The following ATP2C2 variants were observed in gnomAD, a reference collection of about 807,000 sequenced individuals.
The protein encoded by ATP2C2 is calcium-transporting ATPase type 2C member 2.
ATP2C2 carries 171 observed loss-of-function variants against 110.8 expected under a neutral mutation model. That is an observed-to-expected ratio of 1.54 (90% confidence interval 1.36 to 1.75). The LOEUF (loss-of-function observed/expected upper bound fraction) is 1.75, where lower values mean the gene tolerates loss of function less well. Among genes scored for constraint, ATP2C2 ranks in the 40% most tolerant of loss-of-function variants. The pLI, the probability that ATP2C2 is intolerant of heterozygous loss-of-function variation, is 0.00. For missense variants in ATP2C2, 1,963 were observed against 1,235.0 expected (o/e 1.59, Z -8.84); for synonymous variants, 804 against 508.4 (o/e 1.58, Z -7.82).
intron 6 of ATP2C2, among the ~76,000 whole-genome samples, chr16:84,413,434 G>C (rs751346932): frequency 1.1e-4 from 17 of 152,192 alleles, no homozygotes; most frequent in Non-Finnish European, 2.1e-4. Context: ...ACATCACAGA[G>C]GGTGAGTCAA....
chr16:84,440,983 GA>G (rs767113800), intron 14 of ATP2C2, 25 bp downstream of exon 14: 2 of 1,561,894 alleles, frequency 1.3e-6, no homozygotes, highest in African/African-American at 1.4e-5. Context: ...CGCCATGAGG[GA>G]AATAGGCATT....
intron 1 of ATP2C2, among the ~76,000 whole-genome samples, chr16:84,388,932 C>A (rs571454209): frequency 7.2e-5 from 11 of 151,934 alleles, no homozygotes; most frequent in Non-Finnish European, 1.6e-4. Flanking sequence ...CCACCATGCT[C>A]GGCTAATTTT....
intron 6 of ATP2C2, among the ~76,000 whole-genome samples, chr16:84,411,198 T>C (rs1029234078): frequency 5.3e-4 from 80 of 152,126 alleles, no homozygotes; most frequent in African/African-American, 1.8e-3. Context: ...GGCTGCAGCA[T>C]AGGGTATAGG....
intron 11 of ATP2C2, among the ~76,000 whole-genome samples, chr16:84,431,356 A>T (rs369633978): frequency 1.3e-5 from 2 of 152,050 alleles, no homozygotes; most frequent in African/African-American, 4.8e-5. Flanking sequence ...TTAGCCGGGC[A>T]TGGTGGTGTG....
intron 21 of ATP2C2, among the ~76,000 whole-genome samples, chr16:84,456,468 C>T (rs967094119): frequency 1.4e-5 from 2 of 142,452 alleles, no homozygotes; most frequent in African/African-American, 2.6e-5. Context: ...TCCTATTCAA[C>T]ATAGTGTTGG....
intron 11 of ATP2C2, among the ~76,000 whole-genome samples, chr16:84,433,427 T>G (rs2150558865): frequency 6.6e-6 from 1 of 151,266 alleles, no homozygotes; most frequent in South Asian, 2.1e-4. Flanking sequence ...AAAAATCTCC[T>G]GCAGATCATG....
At chr16:84,387,768 C>T (rs948958541) in intron 1 of ATP2C2, among the ~76,000 whole-genome samples, 1 of 152,060 alleles carries the variant, frequency 6.6e-6, no homozygotes, top group Non-Finnish European at 1.5e-5. Context: ...TCTCAGACAG[C>T]TCTGGGTACA....
chr16:84,410,893 G>T, intron 6 of ATP2C2, 128 bp downstream of exon 6: 1 of 923,788 alleles, frequency 1.1e-6, no homozygotes, highest in Non-Finnish European at 1.7e-6. Context: ...CTCACTGGGA[G>T]TTCTAAGGCC....
At position 84,425,821 on chromosome 16, in the gene ATP2C2, C is replaced by T. The variant is rs186301171; in HGVS notation, c.986+20C>T. The T allele has an allele frequency of 6.2e-7, 1 of 1,613,464 alleles. No homozygotes were observed. Among genetic ancestry groups the T allele is most frequent in the East Asian group, 2.2e-5 (1 of 44,876 alleles). The stretch of plus-strand genomic sequence containing the variant: ...GGTCAGGTAAGAGTGCTATGGCCGC[C>T]CCTTGCCTTGCCAGGGTGGTCAATG... On this transcript the variant is annotated intron_variant, in intron 11 of 26. Transcript: ENST00000262429.
At chr16:84,427,126 C>T (rs545260676) in intron 11 of ATP2C2, among the ~76,000 whole-genome samples, 1 of 152,298 alleles carries the variant, frequency 6.6e-6, no homozygotes, top group African/African-American at 2.4e-5. Context: ...CAGACAGTAA[C>T]GCACACGCAG....
At position 84,368,619 on chromosome 16, in the gene ATP2C2, G is replaced by A; in HGVS notation, c.4G>A (p.Val2Ile). M[V>I]EGRVSEFLKK... ...GCAACGCCTGCGCCCGCTCACCATG[G>A]TCGAGGGACGCGTCTCCGAGTTCCT... Residue 2 changes from valine (V) to isoleucine (I), a missense_variant, in exon 1 of 27, where the codon GTC becomes ATC. Val to Ile is a conservative substitution (Grantham distance 29). Coordinates refer to ENST00000262429, the MANE Select transcript of ATP2C2 (RefSeq NM_014861.4). The A allele has an allele frequency of 1.9e-6, 3 of 1,557,788 alleles. No individual in the cohort carries two copies. Among genetic ancestry groups the A allele is most frequent in the Non-Finnish European group, 2.6e-6 (3 of 1,152,048 alleles).
intron 16 of ATP2C2, 73 bp downstream of exon 16, chr16:84,446,503 G>C (rs1909765654): frequency 9.3e-7 from 1 of 1,075,284 alleles, no homozygotes; most frequent in East Asian, 2.6e-5. Context: ...GCAAAATGCA[G>C]ACTTCAAGGA....
At chr16:84,439,547 A>T (rs748578011) in intron 13 of ATP2C2, 23 bp downstream of exon 13, 1 of 1,607,000 alleles carries the variant, frequency 6.2e-7, no homozygotes, top group South Asian at 1.1e-5. Context: ...GGAATTTACA[A>T]GCCTTAAGGA....
chr16:84,405,873 T>C (rs546975113), intron 3 of ATP2C2, among the ~76,000 whole-genome samples: 1 of 152,292 alleles, frequency 6.6e-6, no homozygotes, highest in East Asian at 1.9e-4. Flanking sequence ...TGAACTGAGA[T>C]TGTGCCACTG....
At chr16:84,412,356 G>A (rs113844815) in intron 6 of ATP2C2, among the ~76,000 whole-genome samples, 37 of 149,168 alleles carry the variant, frequency 2.5e-4, no homozygotes, top group East Asian at 2.0e-3. Context: ...GTCTGCGTGC[G>A]TGTGTGCATG....
chr16:84,463,639 C>T lies in ATP2C2; in HGVS notation c.2748C>T (p.Ala916=). Residue 916 remains alanine (A), a synonymous_variant, in exon 27 of 27, where the codon GCC becomes GCT. Transcript: ENST00000262429. ...ATTTGCTGTTTTTAACTGGATTGGC[C>T]TCATCCGTCTTCATTTTGTCAGAGC... ...ALDLLFLTGL[A]SSVFILSELL... is the part of the protein sequence containing the mutation. 6.2e-7 allele frequency: 1 copy of T among 1,614,200 alleles called. No individual in the cohort carries two copies. The highest frequency in any genetic ancestry group is 1.3e-5 in the African/African-American group (1 of 75,056).
intron 7 of ATP2C2, among the ~76,000 whole-genome samples, chr16:84,416,454 A>T (rs189358453): frequency 9.2e-5 from 14 of 152,338 alleles, no homozygotes; most frequent in African/African-American, 3.4e-4. Context: ...CAGGAACTGT[A>T]GGATCAAGGA....
At chr16:84,400,822 T>C (rs1905272761) in intron 2 of ATP2C2, among the ~76,000 whole-genome samples, 1 of 152,236 alleles carries the variant, frequency 6.6e-6, no homozygotes, top group Admixed American at 6.5e-5. Flanking sequence ...TGATCACAGA[T>C]GGTGAGCACC....
chr16:84,421,723 C>T (rs1907356449), intron 7 of ATP2C2, among the ~76,000 whole-genome samples: 1 of 152,114 alleles, frequency 6.6e-6, no homozygotes, highest in African/African-American at 2.4e-5. Flanking sequence ...CTCTGTTTTG[C>T]CACTAACTAG....
Sources: allele counts gnomAD v4.1 joint callset (sites outside exome capture counted in the v4.1 genomes callset), GRCh38; gene constraint gnomAD v4.1.1; transcripts MANE v1.5; gene names NCBI Gene and HGNC (gene_info 2026-07-23, HGNC 2026-07-21).